The following ZNF609 variants were observed in gnomAD, a reference collection of about 807,000 sequenced individuals.
The protein encoded by ZNF609 is zinc finger protein 609.
In ZNF609, 11 loss-of-function variants were observed where a neutral mutation model predicts 109.5. The ratio of observed to expected loss-of-function variants is 0.10; its 90% confidence interval spans 0.06 to 0.17. The LOEUF is 0.17. ZNF609 is among the 10% of genes least tolerant of loss of function. ZNF609 has a pLI of 1.00. For synonymous variants in ZNF609, 646 were observed against 662.0 expected (o/e 0.98, Z 0.37); for missense variants, 1,559 against 1,772.4 (o/e 0.88, Z 2.16).
At chr15:64,588,442 A>AAAAAAAAAAAAGAAG (rs71133451) in intron 2 of ZNF609, among the ~76,000 whole-genome samples, 1,812 of 75,108 alleles carry the variant, frequency 0.024, 262 homozygotes, top group African/African-American at 0.09. Context: ...AAAAAAAAAA[A>AAAAAAAAAAAAGAAG]AAGAAGAGGA....
At chr15:64,678,515 A>G in intron 6 of ZNF609, 33 bp downstream of exon 6, 1 of 1,523,046 alleles carries the variant, frequency 6.6e-7, no homozygotes, top group African/African-American at 1.4e-5. Flanking sequence ...TATTCCATTC[A>G]CTGGAAGGGG....
At chr15:64,592,251 T>C (rs1181464173) in intron 2 of ZNF609, among the ~76,000 whole-genome samples, 1 of 152,150 alleles carries the variant, frequency 6.6e-6, no homozygotes, top group Admixed American at 6.6e-5. Context: ...TATAGTTAAT[T>C]GGTTAAATGA....
At chr15:64,680,552 G>C in intron 7 of ZNF609, 94 bp from the exon 8 acceptor site, 1 of 1,300,674 alleles carries the variant, frequency 7.7e-7, no homozygotes, top group Non-Finnish European at 1.1e-6. Context: ...GGCACCCTGG[G>C]CATCTCACTT....
At chr15:64,579,767 A>G (rs1895066386) in intron 2 of ZNF609, among the ~76,000 whole-genome samples, 2 of 152,070 alleles carry the variant, frequency 1.3e-5, no homozygotes, top group South Asian at 2.1e-4. Context: ...CCTTTGTGCT[A>G]TTATTGTCAT....
chr15:64,500,403 A>G (rs1160494443), intron 2 of ZNF609: 3 of 733,320 alleles, frequency 4.1e-6, no homozygotes, highest in African/African-American at 3.5e-5. Context: ...TGTTGGGGGC[A>G]GCTACTTTGT....
chr15:64,484,557 TC>T (rs1434642914), intron 1 of ZNF609, among the ~76,000 whole-genome samples: 1 of 149,128 alleles, frequency 6.7e-6, no homozygotes, highest in Non-Finnish European at 1.5e-5. Flanking sequence ...GTGCCTGTAA[TC>T]CCAGCTGTTC....
At chr15:64,624,689 G>T (rs1002991770) in intron 3 of ZNF609, among the ~76,000 whole-genome samples, 2 of 150,324 alleles carry the variant, frequency 1.3e-5, no homozygotes, top group Admixed American at 1.3e-4. Context: ...TTTGTAAATC[G>T]TTTGCACTGG....
intron 3 of ZNF609, among the ~76,000 whole-genome samples, chr15:64,633,356 A>G (rs1002294192): frequency 2.6e-5 from 4 of 152,132 alleles, no homozygotes; most frequent in Non-Finnish European, 5.9e-5. Context: ...CATATTGCTC[A>G]GGCTGGTCTC....
chr15:64,542,482 T>C (rs929986310), intron 2 of ZNF609, among the ~76,000 whole-genome samples: 2 of 152,246 alleles, frequency 1.3e-5, no homozygotes, highest in Admixed American at 1.3e-4. Context: ...AACACTGAAA[T>C]AGGATTTAAA....
intron 1 of ZNF609, among the ~76,000 whole-genome samples, chr15:64,463,654 T>G (rs1892974255): frequency 6.6e-6 from 1 of 152,208 alleles, no homozygotes; most frequent in Non-Finnish European, 1.5e-5. Flanking sequence ...TTTATTTCAG[T>G]GAGTTTCTTT....
chr15:64,607,541 G>A, intron 2 of ZNF609, among the ~76,000 whole-genome samples: 1 of 135,356 alleles, frequency 7.4e-6, no homozygotes, highest in Non-Finnish European at 1.5e-5. Context: ...ATCTCACTGT[G>A]TTGCCCAGGC....
Position 64,678,105 on chromosome 15 carries a change from G to A in ZNF609, c.3403-11G>A, listed in dbSNP as rs753375408. 1.3e-5 allele frequency: 21 copies of A among 1,608,236 alleles called. No homozygotes were observed. In the Middle Eastern group the frequency reaches 6.6e-4, roughly 51 times the overall value. On this transcript the variant is annotated splice_polypyrimidine_tract_variant and intron_variant, in intron 5 of 9. Transcript: ENST00000326648. The stretch of plus-strand genomic sequence containing the variant: ...GTACAACACCCAGTCGTTGTTCTGT[G>A]ATTGTTGTAGGAGGCAGAGCCCCGG...
chr15:64,484,929 G>A (rs940980085), intron 1 of ZNF609, among the ~76,000 whole-genome samples: 1 of 152,160 alleles, frequency 6.6e-6, no homozygotes, highest in African/African-American at 2.4e-5. Context: ...AGCCGAGATT[G>A]CGCCACTGCA....
At chr15:64,648,306 C>A (rs1283951858) in intron 3 of ZNF609, among the ~76,000 whole-genome samples, 2 of 152,118 alleles carry the variant, frequency 1.3e-5, no homozygotes. Flanking sequence ...GGCAACATAG[C>A]AAAACCTTGT....
At chr15:64,625,936 T>TATATAG (rs1307358546) in intron 3 of ZNF609, among the ~76,000 whole-genome samples, 23 of 79,592 alleles carry the variant, frequency 2.9e-4, no homozygotes, top group South Asian at 1.1e-3. Flanking sequence ...TATATATATA[T>TATATAG]AGAGAGAGAG....
At chr15:64,525,189 T>C (rs1028509264) in intron 2 of ZNF609, among the ~76,000 whole-genome samples, 19 of 152,350 alleles carry the variant, frequency 1.2e-4, no homozygotes, top group Admixed American at 1.2e-3. Context: ...ACTAGTGTTT[T>C]CTAAGATTTT....
At position 64,499,437 on chromosome 15, in the gene ZNF609, A is replaced by T; in HGVS notation, c.18A>T (p.Gly6=). The T allele has an allele frequency of 6.2e-7, 1 of 1,613,760 alleles. No individual in the cohort carries two copies. The highest frequency in any genetic ancestry group is 2.2e-5 in the East Asian group (1 of 44,872). ...ACTCTAAGATGTCCTTGAGCAGTGG[A>T]GCCTCCGGAGGGAAAGGAGTGGATG... MSLSS[G]ASGGKGVDAN... The change falls in exon 2 of 10, where the codon GGA becomes GGT. Residue 6 remains glycine (G), a synonymous_variant. Coordinates refer to ENST00000326648, the MANE Select transcript of ZNF609 (RefSeq NM_015042.2).
At position 64,576,162 on chromosome 15, in the gene ZNF609, C is replaced by T. The variant is rs561087786; in HGVS notation, c.748-46665C>T. ...AAAATTAATAAAAATGGGGGCTAAT[C>T]AGGATTAGGCACCTTGAGAAACCAA... is the stretch of plus-strand genomic sequence containing the variant. On this transcript the variant is annotated intron_variant, in intron 2 of 9. Coordinates refer to ENST00000326648, the MANE Select transcript of ZNF609 (RefSeq NM_015042.2). Among the ~76,000 whole-genome samples the T allele has an allele frequency of 1.4e-4, 21 of 152,132 alleles. No homozygotes were observed. In the South Asian group the frequency reaches 2.1e-3, roughly 15 times the overall value.
At chr15:64,465,310 TTA>T (rs2140326452) in intron 1 of ZNF609, among the ~76,000 whole-genome samples, 1 of 152,346 alleles carries the variant, frequency 6.6e-6, no homozygotes, top group South Asian at 2.1e-4. Flanking sequence ...TGTTTTTATA[TTA>T]TGTTTTTATA....
Sources: gnomAD v4.1 joint callset for allele counts (sites outside exome capture counted in the v4.1 genomes callset) on GRCh38, gnomAD v4.1.1 for gene constraint, MANE v1.5 for transcripts, NCBI Gene and HGNC (gene_info 2026-07-23, HGNC 2026-07-21) for gene names.